Variants in RTF1 observed in about 807,000 individuals in gnomAD.
RTF1 encodes the protein RNA polymerase-associated protein RTF1 homolog.
RTF1 carries 10 observed loss-of-function variants against 95.7 expected under a neutral mutation model. That is an observed-to-expected ratio of 0.10 (90% confidence interval 0.06 to 0.18). RTF1 has a LOEUF of 0.18. Among genes scored for constraint, RTF1 ranks in the 10% least tolerant of loss-of-function variants. RTF1 has a pLI of 1.00. For missense variants in RTF1, 458 were observed against 875.6 expected, an observed-to-expected ratio of 0.52 and a Z score of 6.02; for synonymous variants, 305 against 311.8, an observed-to-expected ratio of 0.98 and a Z score of 0.23.
At chr15:41,427,360 C>T (rs989891933) in intron 1 of RTF1, among the ~76,000 whole-genome samples, 1 of 151,666 alleles carries the variant, frequency 6.6e-6, no homozygotes, top group African/African-American at 2.4e-5. Context: ...ACCGTGTTAG[C>T]CAGGATGGTC....
intron 4 of RTF1, among the ~76,000 whole-genome samples, chr15:41,464,355 T>G (rs1396426069): frequency 6.6e-6 from 1 of 151,264 alleles, no homozygotes; most frequent in Non-Finnish European, 1.5e-5. Flanking sequence ...TTAAAGCGAT[T>G]CTCCTGCCTC....
intron 2 of RTF1, among the ~76,000 whole-genome samples, 194 bp from the exon 3 acceptor site, chr15:41,452,707 C>T (rs1472314572): frequency 6.6e-6 from 1 of 151,978 alleles, no homozygotes; most frequent in Non-Finnish European, 1.5e-5. Context: ...GCACTCCAGC[C>T]TGGACAATAG....
intron 2 of RTF1, among the ~76,000 whole-genome samples, chr15:41,446,003 G>A (rs866520409): frequency 1.3e-5 from 2 of 152,196 alleles, no homozygotes; most frequent in African/African-American, 4.8e-5. Flanking sequence ...CTCCCAGAGT[G>A]CTGATCCCAG....
chr15:41,424,661 G>T (rs1326379118), intron 1 of RTF1, among the ~76,000 whole-genome samples: 1 of 152,182 alleles, frequency 6.6e-6, no homozygotes, highest in Admixed American at 6.6e-5. Flanking sequence ...TGTACATGTA[G>T]ATGTATACTG....
intron 2 of RTF1, among the ~76,000 whole-genome samples, chr15:41,438,820 C>T (rs1011104726): frequency 3.1e-4 from 47 of 151,378 alleles, no homozygotes; most frequent in African/African-American, 1.1e-3. Context: ...GGGATCGCCC[C>T]ACTGCACTGC....
chr15:41,476,395 A>T, intron 11 of RTF1, 51 bp from the exon 12 acceptor site: 1 of 1,530,982 alleles, frequency 6.5e-7, no homozygotes, highest in South Asian at 1.1e-5. Context: ...TAGCCTGTCT[A>T]CAAAAATAGC....
chr15:41,452,744 T>A (rs28445580), intron 2 of RTF1, among the ~76,000 whole-genome samples, 157 bp from the exon 3 acceptor site: 55 of 150,610 alleles, frequency 3.7e-4, no homozygotes, highest in Non-Finnish European at 5.3e-4. Context: ...AAAAAAAAAA[T>A]TTTTTTTTTC....
At chr15:41,447,260 C>T (rs1057361222) in intron 2 of RTF1, among the ~76,000 whole-genome samples, 4 of 152,114 alleles carry the variant, frequency 2.6e-5, no homozygotes, top group Non-Finnish European at 4.4e-5. Context: ...TCTCTGAAAT[C>T]TTGAAGTTTC....
intron 4 of RTF1, among the ~76,000 whole-genome samples, chr15:41,459,422 G>A (rs1411828508): frequency 6.6e-6 from 1 of 152,174 alleles, no homozygotes; most frequent in African/African-American, 2.4e-5. Flanking sequence ...TCTTGATAAA[G>A]ATCAGTACGT....
At chr15:41,465,634 C>T (rs1046218383) in intron 5 of RTF1, among the ~76,000 whole-genome samples, 4 of 151,634 alleles carry the variant, frequency 2.6e-5, no homozygotes, top group Non-Finnish European at 4.4e-5. Context: ...GAGCGAGGCT[C>T]TGTTTTAAAA....
At chr15:41,419,055 C>A (rs1303857976) in intron 1 of RTF1, among the ~76,000 whole-genome samples, 1 of 151,974 alleles carries the variant, frequency 6.6e-6, no homozygotes, top group Non-Finnish European at 1.5e-5. Flanking sequence ...GTAAGACTAT[C>A]TAAGGAATAG....
intron 16 of RTF1, 61 bp downstream of exon 16, chr15:41,479,259 G>C: frequency 8.4e-7 from 1 of 1,186,626 alleles, no homozygotes; most frequent in South Asian, 1.2e-5. Context: ...TACCGAACAA[G>C]TACCTTGTCT....
chr15:41,464,194 C>T (rs1016122071), intron 4 of RTF1, among the ~76,000 whole-genome samples: 2 of 150,572 alleles, frequency 1.3e-5, no homozygotes, highest in Non-Finnish European at 2.9e-5. Flanking sequence ...CTCACTCTGT[C>T]GCCCAGGCTA....
chr15:41,463,520 C>G (rs1248914530), intron 4 of RTF1, among the ~76,000 whole-genome samples: 1 of 151,940 alleles, frequency 6.6e-6, no homozygotes, highest in Admixed American at 6.6e-5. Flanking sequence ...CTCTGTCGCC[C>G]AGGCTAGCTA....
intron 1 of RTF1, among the ~76,000 whole-genome samples, chr15:41,436,901 A>C (rs1433072377): frequency 2.6e-5 from 4 of 151,828 alleles, no homozygotes; most frequent in Admixed American, 1.3e-4. Flanking sequence ...ATCCTGGCCA[A>C]CTTGGTGAAA....
intron 1 of RTF1, among the ~76,000 whole-genome samples, chr15:41,435,018 T>G (rs2050695012): frequency 6.6e-6 from 1 of 151,310 alleles, no homozygotes; most frequent in Admixed American, 6.6e-5. Flanking sequence ...TGGAGTGCAG[T>G]GGCGTGATCT....
chr15:41,470,879 C>T (rs1223438185), intron 7 of RTF1, among the ~76,000 whole-genome samples: 4 of 151,870 alleles, frequency 2.6e-5, no homozygotes, highest in East Asian at 1.9e-4. Context: ...GGGATGGTCT[C>T]GATCTCCTGA....
intron 8 of RTF1, among the ~76,000 whole-genome samples, chr15:41,472,025 A>G (rs1320952482): frequency 6.6e-6 from 1 of 150,730 alleles, no homozygotes; most frequent in Non-Finnish European, 1.5e-5. Context: ...CAGCCTCCCA[A>G]GTAGCTGGGA....
intron 5 of RTF1, 108 bp downstream of exon 5, chr15:41,464,993 C>T (rs2050873075): frequency 2.9e-6 from 4 of 1,377,394 alleles, no homozygotes; most frequent in Non-Finnish European, 2.8e-6. Flanking sequence ...ATTAATCAGC[C>T]TAAGTTTATA....
Sources: gnomAD v4.1 joint callset for allele counts (sites outside exome capture counted in the v4.1 genomes callset) on GRCh38, gnomAD v4.1.1 for gene constraint, MANE v1.5 for transcripts, NCBI Gene and HGNC (gene_info 2026-07-23, HGNC 2026-07-21) for gene names.